Variants in CREBRF observed in about 807,000 individuals in gnomAD.
CREBRF encodes the protein CREB3 regulatory factor.
A neutral mutation model predicts 66.1 loss-of-function variants in CREBRF; 5 were observed. That is an observed-to-expected ratio of 0.08 (90% CI 0.04 to 0.16). CREBRF has a LOEUF of 0.16. Among genes scored for constraint, CREBRF ranks in the 10% least tolerant of loss-of-function variants. CREBRF has a pLI of 1.00. For missense variants in CREBRF, 531 were observed against 744.9 expected (o/e 0.71, Z 3.34); for synonymous variants, 229 against 264.4 (o/e 0.87, Z 1.30).
intron 4 of CREBRF, among the ~76,000 whole-genome samples, chr5:173,093,726 A>C (rs145794541): frequency 6.6e-6 from 1 of 152,292 alleles, no homozygotes; most frequent in Non-Finnish European, 1.5e-5. Flanking sequence ...CATGTTGCCC[A>C]GGCATGTCTT....
chr5:173,101,137 C>T (rs1758619145), intron 4 of CREBRF, among the ~76,000 whole-genome samples: 1 of 152,138 alleles, frequency 6.6e-6, no homozygotes, highest in Non-Finnish European at 1.5e-5. Context: ...TCCTAGCTTA[C>T]TGCACCCTCA....
intron 8 of CREBRF, among the ~76,000 whole-genome samples, chr5:173,132,791 G>T (rs775174887): frequency 1.2e-4 from 18 of 149,014 alleles, no homozygotes; most frequent in Non-Finnish European, 2.1e-4. Flanking sequence ...TAGAGACAGG[G>T]TTTCTCCATG....
chr5:173,085,909 TG>T, intron 2 of CREBRF: 1 of 949,574 alleles, frequency 1.1e-6, no homozygotes, highest in Non-Finnish European at 1.7e-6. Context: ...AAGGAGTCTT[TG>T]GGACAGTTAG....
At chr5:173,118,216 G>C (rs1759054921) in intron 7 of CREBRF, among the ~76,000 whole-genome samples, 1 of 151,788 alleles carries the variant, frequency 6.6e-6, no homozygotes, top group African/African-American at 2.4e-5. Flanking sequence ...TGCCATGTTG[G>C]CCAGGCTGGT....
chr5:173,128,032 A>G (rs1488417358), intron 8 of CREBRF, among the ~76,000 whole-genome samples: 3 of 152,032 alleles, frequency 2.0e-5, no homozygotes, highest in Non-Finnish European at 4.4e-5. Flanking sequence ...TAACTTACCA[A>G]TTCTAATTTC....
chr5:173,131,923 G>C (rs1179995797), intron 8 of CREBRF, among the ~76,000 whole-genome samples: 1 of 151,372 alleles, frequency 6.6e-6, no homozygotes, highest in African/African-American at 2.4e-5. Flanking sequence ...AGTAAAGGCA[G>C]GGTTTCAACT....
rs1312850499 is a variant in CREBRF, at chr5:173,133,938, C to A, written c.*193C>A. On this transcript the variant is annotated 3_prime_UTR_variant, in exon 9 of 9. Coordinates refer to ENST00000296953, the MANE Select transcript of CREBRF (RefSeq NM_153607.3). ...ATTATTGCATTTTCAGAGCATAAAC[C>A]ATGATTAAAACTGCTACTGGCATCA... 4 of 399,622 alleles carry A rather than the reference C, an allele frequency of 1.0e-5. No individual in the cohort carries two copies. Among genetic ancestry groups the A allele is most frequent in the Non-Finnish European group, 1.8e-5 (4 of 222,170 alleles). 24.8% of individuals were successfully genotyped at this position (399,622 alleles called of 1,614,324 possible).
chr5:173,101,295 A>G (rs960031751), intron 4 of CREBRF, among the ~76,000 whole-genome samples: 18 of 151,770 alleles, frequency 1.2e-4, no homozygotes, highest in African/African-American at 4.1e-4. Flanking sequence ...GGGCTGAAGC[A>G]TTTTACCTGC....
intron 2 of CREBRF, among the ~76,000 whole-genome samples, chr5:173,081,433 GC>G (rs1478028845): frequency 6.6e-6 from 1 of 152,074 alleles, no homozygotes; most frequent in South Asian, 2.1e-4. Context: ...TTTAGCTCTT[GC>G]CCCTCCCCTG....
At chr5:173,108,863 GT>G in intron 5 of CREBRF, 45 bp downstream of exon 5, 4 of 1,548,546 alleles carry the variant, frequency 2.6e-6, no homozygotes, top group Non-Finnish European at 3.5e-6. Context: ...CTTTAATCAA[GT>G]TGAGCTACTA....
chr5:173,133,124 T>C (rs1759514409), intron 8 of CREBRF, among the ~76,000 whole-genome samples: 1 of 152,232 alleles, frequency 6.6e-6, no homozygotes, highest in Non-Finnish European at 1.5e-5. Flanking sequence ...TTCTTATTCG[T>C]TCATTCACTT....
intron 1 of CREBRF, among the ~76,000 whole-genome samples, chr5:173,080,050 T>C (rs1216000176): frequency 6.6e-6 from 1 of 152,228 alleles, no homozygotes; most frequent in African/African-American, 2.4e-5. Context: ...TACTTATAAC[T>C]GAAAGAATAA....
At position 173,069,122 on chromosome 5, in the gene CREBRF, T is replaced by C. The variant is rs1581660007; in HGVS notation, c.-191-11463T>C. 3.3e-5 allele frequency among the ~76,000 whole-genome samples: 5 copies of C among 152,122 alleles called. No homozygotes were observed. In the South Asian group the frequency reaches 1.1e-3, roughly 32 times the overall value. ...TCTGAGTTGAGTTTGGTTTTATACC[T>C]TAATAGCAGCAACATCCCAGGAGTA... On this transcript the variant is annotated intron_variant, in intron 1 of 8. Transcript: ENST00000296953.
At chr5:173,066,095 G>A (rs548509713) in intron 1 of CREBRF, among the ~76,000 whole-genome samples, 1 of 152,170 alleles carries the variant, frequency 6.6e-6, no homozygotes, top group South Asian at 2.1e-4. Context: ...GGCTGCAGGC[G>A]TGTGCCACCT....
At chr5:173,126,604 G>A (rs1294775349) in intron 8 of CREBRF, among the ~76,000 whole-genome samples, 4 of 152,296 alleles carry the variant, frequency 2.6e-5, no homozygotes, top group East Asian at 1.9e-4. Context: ...CCCTCACAGC[G>A]TTAGCTGCAG....
intron 8 of CREBRF, 118 bp from the exon 9 acceptor site, chr5:173,133,512 T>C: frequency 1.9e-6 from 1 of 514,152 alleles, no homozygotes; most frequent in Non-Finnish European, 3.5e-6. Flanking sequence ...AGGGAATTCA[T>C]TTGGGACCAG....
chr5:173,090,734 G>A lies in CREBRF; in HGVS notation c.555G>A (p.Val185=), dbSNP rs1314279799. 1 of 1,614,116 alleles carries A rather than the reference G, an allele frequency of 6.2e-7. No homozygotes were observed. The highest frequency in any genetic ancestry group is 8.5e-7 in the Non-Finnish European group (1 of 1,180,032). ...TCACAAGCAGAGCAGCTGCTCCTGT[G>A]TGTTCTTCTAAGACTCTGCAGGCTG... ...KKITSRAAAP[V]CSSKTLQAEV... The change falls in exon 4 of 9, where the codon GTG becomes GTA. Residue 185 remains valine, a synonymous_variant. Coordinates refer to ENST00000296953, the MANE Select transcript of CREBRF (RefSeq NM_153607.3). This position sits in a 1 kb window ranked among gnomAD's most constrained non-coding sequence, Gnocchi z 4.5.
Position 173,133,649 on chromosome 5 carries a change from A to G in CREBRF, c.1824A>G (p.Gln608=). The G allele has an allele frequency of 6.2e-7, 1 of 1,611,606 alleles. No homozygotes were observed. The highest frequency in any genetic ancestry group is 1.1e-5 in the South Asian group (1 of 90,904). Reference sequence around the variant, plus strand: ...CTTCAGGTCTACCAGTTGCTGGGCAAACCTCAGAATTTGTTAACCAAGTGT... The same window carrying G: ...CTTCAGGTCTACCAGTTGCTGGGCAGACCTCAGAATTTGTTAACCAAGTGT... ...KDTLGLPVAG[Q]TSEFVNQVLE... is the part of the protein sequence containing the mutation. Residue 608 remains glutamine, a synonymous_variant, in exon 9 of 9, where the codon CAA becomes CAG. Coordinates refer to ENST00000296953, the MANE Select transcript of CREBRF (RefSeq NM_153607.3).
chr5:173,118,916 A>G (rs192848222), intron 7 of CREBRF, among the ~76,000 whole-genome samples: 1 of 152,070 alleles, frequency 6.6e-6, no homozygotes, highest in East Asian at 1.9e-4. Context: ...ATTAAAAAAA[A>G]ACATAGATGG....
Sources: gnomAD v4.1 joint callset for allele counts (sites outside exome capture counted in the v4.1 genomes callset) on GRCh38, gnomAD v4.1.1 for gene constraint, Gnocchi (gnomAD v3.1) non-coding constraint, MANE v1.5 for transcripts, NCBI Gene and HGNC (gene_info 2026-07-23, HGNC 2026-07-21) for gene names.